PRKG1: variants seen among roughly 807,000 people sequenced by gnomAD.
The protein encoded by PRKG1 is protein kinase cGMP-dependent 1.
A neutral mutation model predicts 88.1 loss-of-function variants in PRKG1; 35 were observed. The ratio of observed to expected loss-of-function variants is 0.40; its 90% CI spans 0.30 to 0.53. The LOEUF is 0.53. Ranked by LOEUF, PRKG1 falls within the 20% of genes least tolerant of loss-of-function variation. The probability of loss-of-function intolerance (pLI) is 0.59; values close to 1 mark genes in which losing one functional copy is unlikely to be tolerated. For synonymous variants in PRKG1, 303 were observed against 292.5 expected (o/e 1.04, Z -0.37); for missense variants, 540 against 839.8 (o/e 0.64, Z 4.41).
At position 52,186,715 on chromosome 10, in the gene PRKG1, A is replaced by G. The variant is rs138048962; in HGVS notation, c.1076+24752A>G. Among the ~76,000 whole-genome samples, 613 of 152,226 alleles carry G rather than the reference A, an allele frequency of 4.0e-3. 6 individuals carry two copies. Among genetic ancestry groups the G allele is most frequent in the Middle Eastern group, 6.8e-3 (2 of 294 alleles). On this transcript the variant is annotated intron_variant, in intron 9 of 17. Transcript: ENST00000373980. ...GCCATCAAAAATGTTTTAAGACATC[A>G]CTAAATACATGTGGAGGAGCCAAAA...
intron 3 of PRKG1, among the ~76,000 whole-genome samples, chr10:51,544,384 C>T (rs989097834): frequency 6.6e-6 from 1 of 152,214 alleles, no homozygotes; most frequent in Non-Finnish European, 1.5e-5. Flanking sequence ...AGGACATGAA[C>T]TAATCCTTTT....
chr10:51,668,278 G>T (rs1198923417), intron 3 of PRKG1, among the ~76,000 whole-genome samples: 1 of 152,164 alleles, frequency 6.6e-6, no homozygotes, highest in Non-Finnish European at 1.5e-5. Flanking sequence ...TAGTGATAAG[G>T]GTTAGCCTCT....
intron 3 of PRKG1, among the ~76,000 whole-genome samples, chr10:51,598,421 G>A (rs1393700529): frequency 4.6e-5 from 7 of 152,186 alleles, no homozygotes; most frequent in African/African-American, 9.6e-5. Flanking sequence ...CTACAGGTGC[G>A]TGCCACCATA....
chr10:52,085,896 A>G (rs1476191863), intron 7 of PRKG1, among the ~76,000 whole-genome samples: 1 of 152,102 alleles, frequency 6.6e-6, no homozygotes, highest in Non-Finnish European at 1.5e-5. Context: ...CAGAATTGTG[A>G]CATGCATAGC....
At chr10:51,979,983 A>G (rs534673003) in intron 5 of PRKG1, among the ~76,000 whole-genome samples, 1 of 151,942 alleles carries the variant, frequency 6.6e-6, no homozygotes, top group African/African-American at 2.4e-5. Context: ...GTCTCCATCA[A>G]TTCAGTCCTG....
At chr10:52,089,821 T>TTTTTTTTG (rs1847007773) in intron 7 of PRKG1, among the ~76,000 whole-genome samples, 1 of 133,330 alleles carries the variant, frequency 7.5e-6, no homozygotes, top group African/African-American at 2.9e-5. Flanking sequence ...TTTTTTTTTT[T>TTTTTTTTG]TTTTTTTGAG....
At chr10:51,031,388 T>C (rs1205196276) in intron 1 of PRKG1, among the ~76,000 whole-genome samples, 4 of 152,194 alleles carry the variant, frequency 2.6e-5, no homozygotes, top group African/African-American at 9.6e-5. Flanking sequence ...ACCTTGGCGA[T>C]AGACCAAAGA....
At chr10:51,037,272 AC>A (rs1843364198) in intron 1 of PRKG1, among the ~76,000 whole-genome samples, 1 of 151,474 alleles carries the variant, frequency 6.6e-6, no homozygotes, top group African/African-American at 2.4e-5. Flanking sequence ...ACATAGCGAG[AC>A]CTCCCCGCCA....
At chr10:51,168,353 G>A (rs1379714301) in intron 2 of PRKG1, among the ~76,000 whole-genome samples, 1 of 152,042 alleles carries the variant, frequency 6.6e-6, no homozygotes, top group Non-Finnish European at 1.5e-5. Flanking sequence ...TCTCCAAAGT[G>A]TAAAACAATG....
At position 50,991,328 on chromosome 10, in the gene PRKG1, C is replaced by CGCTGCCGCCGCCGCCGCCGCCGCT. The variant is rs35361017; in HGVS notation, c.-49_-48insTGCCGCCGCCGCCGCCGCCGCTGC. On this transcript the variant is annotated 5_prime_UTR_variant, in exon 1 of 18. Coordinates refer to the PRKG1 transcript ENST00000401604. This position sits in a 1 kb window ranked among gnomAD's most constrained non-coding sequence, Gnocchi z 4.5. ...CCGTCCCAGCCGCCGCCGCCGCCGCCGCCGCCGCCGCCGCCCGAGAAAAAG... is the reference window on the plus strand; with the variant it reads ...CCGTCCCAGCCGCCGCCGCCGCCGCCGCTGCCGCCGCCGCCGCCGCCGCTGCCGCCGCCGCCGCCCGAGAAAAAG... 6.7e-6 allele frequency: 10 copies of CGCTGCCGCCGCCGCCGCCGCCGCT among 1,481,626 alleles called. No individual in the cohort carries two copies. Among genetic ancestry groups the CGCTGCCGCCGCCGCCGCCGCCGCT allele is most frequent in the South Asian group, 1.3e-5 (1 of 76,880 alleles). The allele number at this position is 1,481,626 out of a possible 1,614,324, so 91.8% of individuals were successfully genotyped here.
intron 5 of PRKG1, among the ~76,000 whole-genome samples, chr10:51,940,791 G>A (rs117222229): frequency 2.3e-3 from 354 of 151,870 alleles, no homozygotes; most frequent in Non-Finnish European, 3.8e-3. Context: ...TTTCACCAAA[G>A]CACCAAGCCC....
chr10:52,127,466 G>A (rs1847956602), intron 7 of PRKG1, among the ~76,000 whole-genome samples: 1 of 152,120 alleles, frequency 6.6e-6, no homozygotes, highest in African/African-American at 2.4e-5. Context: ...AGCAGGGCTA[G>A]CAAAAAGAAA....
intron 2 of PRKG1, among the ~76,000 whole-genome samples, chr10:51,365,067 T>C (rs946791502): frequency 1.3e-5 from 2 of 152,060 alleles, no homozygotes; most frequent in Admixed American, 6.6e-5. Flanking sequence ...TTTAAGTCTC[T>C]ACAGACCATT....
intron 10 of PRKG1, among the ~76,000 whole-genome samples, chr10:52,267,656 T>C (rs1452761115): frequency 1.3e-5 from 2 of 152,082 alleles, no homozygotes; most frequent in Non-Finnish European, 2.9e-5. Flanking sequence ...TATATATACA[T>C]ATGAATGTAT....
At chr10:51,982,558 T>C (rs1328373535) in intron 5 of PRKG1, among the ~76,000 whole-genome samples, 1 of 152,206 alleles carries the variant, frequency 6.6e-6, no homozygotes, top group Non-Finnish European at 1.5e-5. Flanking sequence ...CTGGCTTTAT[T>C]TCTGGAGTAT....
intron 3 of PRKG1, among the ~76,000 whole-genome samples, chr10:51,740,472 A>G (rs1837404796): frequency 6.6e-6 from 1 of 152,194 alleles, no homozygotes; most frequent in Admixed American, 6.5e-5. Context: ...TTTCTCAAAC[A>G]AATTTTGTGA....
At chr10:51,446,021 T>C (rs1839263419) in intron 2 of PRKG1, among the ~76,000 whole-genome samples, 1 of 151,974 alleles carries the variant, frequency 6.6e-6, no homozygotes, top group Non-Finnish European at 1.5e-5. Context: ...CCTTAAGAAG[T>C]AGAGTTCAAT....
chr10:51,605,592 T>C (rs1005995700), intron 3 of PRKG1, among the ~76,000 whole-genome samples: 9 of 152,230 alleles, frequency 5.9e-5, no homozygotes, highest in African/African-American at 2.2e-4. Flanking sequence ...ATGTAACATA[T>C]ACTGCTCTGG....
At chr10:51,352,768 A>G (rs920424861) in intron 2 of PRKG1, among the ~76,000 whole-genome samples, 1 of 152,140 alleles carries the variant, frequency 6.6e-6, no homozygotes, top group Non-Finnish European at 1.5e-5. Context: ...AAATCCTAAA[A>G]TTTGCATGAA....
Sources: gnomAD v4.1 joint callset for allele counts (sites outside exome capture counted in the v4.1 genomes callset) on GRCh38, gnomAD v4.1.1 for gene constraint, Gnocchi (gnomAD v3.1) non-coding constraint, MANE v1.5 for transcripts, NCBI Gene and HGNC (gene_info 2026-07-23, HGNC 2026-07-21) for gene names.